CEP128: variants seen among roughly 807,000 people sequenced by gnomAD.
CEP128 encodes the protein centrosomal protein 128kDa.
In CEP128, 132 loss-of-function variants were observed where a neutral mutation model predicts 156.7. The observed-to-expected ratio is 0.84, with a 90% CI of 0.73 to 0.97. CEP128 has a LOEUF of 0.97. Ranked by LOEUF, CEP128 falls within the 50% of genes least tolerant of loss-of-function variation. The pLI is 0.00. For synonymous variants in CEP128, 469 were observed against 448.9 expected, an observed-to-expected ratio of 1.04 and a Z score of -0.57; for missense variants, 1,252 against 1,281.9, an observed-to-expected ratio of 0.98 and a Z score of 0.36.
chr14:80,904,601 C>T (rs543218199), intron 6 of CEP128, among the ~76,000 whole-genome samples: 5 of 151,830 alleles, frequency 3.3e-5, no homozygotes, highest in Non-Finnish European at 7.4e-5. Flanking sequence ...ATATTATACC[C>T]CATAAATGTA....
chr14:80,871,586 T>C (rs1595526638), intron 8 of CEP128, among the ~76,000 whole-genome samples: 1 of 152,114 alleles, frequency 6.6e-6, no homozygotes, highest in East Asian at 1.9e-4. Flanking sequence ...GACATATATT[T>C]ATAGCTTTTG....
At chr14:80,644,634 G>A (rs943121078) in intron 19 of CEP128, among the ~76,000 whole-genome samples, 3 of 152,034 alleles carry the variant, frequency 2.0e-5, no homozygotes, top group Admixed American at 2.0e-4. Context: ...ATTAATATTA[G>A]GCTTTTCTGT....
At chr14:80,958,773 A>G (rs1886854336) in intron 1 of CEP128, among the ~76,000 whole-genome samples, 1 of 151,960 alleles carries the variant, frequency 6.6e-6, no homozygotes, top group Non-Finnish European at 1.5e-5. Flanking sequence ...CTCTTTTTGG[A>G]ATCTACTTAA....
rs182460995 is a variant in CEP128 at position 80,810,734 on chromosome 14, T to C, written c.1210-17624A>G. Among the ~76,000 whole-genome samples, 755 of 152,310 alleles carry C rather than the reference T, an allele frequency of 5.0e-3. 3 individuals are homozygous for C. The highest frequency in any genetic ancestry group is 8.7e-3 in the South Asian group (42 of 4,826). On this transcript the variant is annotated intron_variant, in intron 13 of 24. Coordinates refer to ENST00000555265, the MANE Select transcript of CEP128 (RefSeq NM_152446.5). ...TGGTATTAGTTCTCTATACACCTGG[T>C]AGAATTCCACAGTGAACCCATCTGA...
intron 19 of CEP128, chr14:80,742,688 C>A (rs1005137100): frequency 6.0e-6 from 1 of 167,260 alleles, no homozygotes; most frequent in East Asian, 1.8e-4. Flanking sequence ...TCTCCCCCTG[C>A]TTTATTCACT....
At position 80,816,562 on chromosome 14, in the gene CEP128, T is replaced by A. The variant is rs1411792927; in HGVS notation, c.1209+14581A>T. 5.3e-5 allele frequency among the ~76,000 whole-genome samples: 8 copies of A among 152,286 alleles called. No homozygotes were observed. The East Asian group carries it at 1.5e-3, about 29-fold the overall frequency. ...CCCTACTTCCTAAGTAGGGGTATCA[T>A]TCTGGCAGGAAGCAGACTATAGTCT... On this transcript the variant is annotated intron_variant, in intron 13 of 24. Coordinates refer to ENST00000555265, the MANE Select transcript of CEP128 (RefSeq NM_152446.5).
At chr14:80,843,625 AAAGCCAGTGAAAAAATATTTT>A (rs1253473515) in intron 9 of CEP128, among the ~76,000 whole-genome samples, 2 of 152,074 alleles carry the variant, frequency 1.3e-5, no homozygotes, top group African/African-American at 4.8e-5. Flanking sequence ...GTAGAAAATA[AAAGCCAGTGAAAAAATATTTT>A]AAGCTTAACA....
At chr14:80,654,890 T>C (rs1363063734) in intron 19 of CEP128, among the ~76,000 whole-genome samples, 1 of 152,148 alleles carries the variant, frequency 6.6e-6, no homozygotes, top group Non-Finnish European at 1.5e-5. Flanking sequence ...CAGACTTCAG[T>C]GTCACAGTGT....
At chr14:80,957,964 G>A (rs933495412) in intron 2 of CEP128, 5 of 152,192 alleles carry the variant, frequency 3.3e-5, no homozygotes, top group African/African-American at 1.2e-4. Context: ...AGTATGTCCT[G>A]AAGAATAAAG....
At position 80,588,655 on chromosome 14, in the gene CEP128, G is replaced by T. The variant is rs555800402; in HGVS notation, c.2807-8232C>A. On this transcript the variant is annotated intron_variant, in intron 19 of 24. Transcript: ENST00000555265. ...TTCAGACATATGGTGTTTAATTGTT[G>T]CCCCATCCCCTCCCCACTTTGAGGC... Among the ~76,000 whole-genome samples the T allele has an allele frequency of 2.3e-3, 349 of 152,062 alleles. 1 individual carries two copies. The highest frequency in any genetic ancestry group is 8.1e-3 in the African/African-American group (336 of 41,504).
intron 2 of CEP128, among the ~76,000 whole-genome samples, chr14:80,918,367 T>A (rs1438952520): frequency 6.6e-6 from 1 of 152,200 alleles, no homozygotes; most frequent in Non-Finnish European, 1.5e-5. Context: ...GCATTTTCCA[T>A]TAGTGAAAGC....
At chr14:80,527,265 C>CA (rs1331075691) in intron 22 of CEP128, 3 of 476,070 alleles carry the variant, frequency 6.3e-6, no homozygotes, top group South Asian at 3.1e-5. Flanking sequence ...CTCACCTCTA[C>CA]AAAAAAATAC....
At chr14:80,722,369 T>C (rs1226599144) in intron 19 of CEP128, among the ~76,000 whole-genome samples, 1 of 152,168 alleles carries the variant, frequency 6.6e-6, no homozygotes, top group African/African-American at 2.4e-5. Flanking sequence ...AGAGACTGGC[T>C]AAATATTGTG....
At position 80,837,859 on chromosome 14, in the gene CEP128, T is replaced by G. The variant is rs553536744; in HGVS notation, c.924+345A>C. ...GCATGTAGTTTACTTCTTCCTTTAC[T>G]TCCCAGTGCCTCCTGGAATAAAATT... On this transcript the variant is annotated intron_variant, in intron 11 of 24. Transcript: ENST00000555265. Among the ~76,000 whole-genome samples, 14 of 152,384 alleles carry G rather than the reference T, an allele frequency of 9.2e-5. No homozygotes were observed. In the South Asian group the frequency reaches 2.9e-3, roughly 32 times the overall value.
chr14:80,653,109 G>A (rs1894978965), intron 19 of CEP128, among the ~76,000 whole-genome samples: 1 of 152,102 alleles, frequency 6.6e-6, no homozygotes, highest in Non-Finnish European at 1.5e-5. Context: ...AACATCACAT[G>A]TTCTCACTCA....
At chr14:80,504,707 C>T (rs1472764603) in intron 24 of CEP128, among the ~76,000 whole-genome samples, 3 of 152,088 alleles carry the variant, frequency 2.0e-5, no homozygotes, top group East Asian at 1.9e-4. Context: ...TTCTGAGAAG[C>T]GTAAAGTCTA....
rs1484127444 is a variant in CEP128 at position 80,840,755 on chromosome 14, T to C, written c.776A>G (p.Gln259Arg). ...CTCATGCTCATCTGCTTTAGCTTCT[T>C]GTTTCTTTAGTGCCTGGAATGAAAG... The part of the protein sequence containing the change: ...SLQLQEALKK[Q>R]EAKADEHEGA... Residue 259 changes from glutamine (Q) to arginine (R), a missense_variant, in exon 10 of 25, where the codon CAA (glutamine) becomes CGA (arginine). By Grantham distance (43) the Gln-to-Arg change is conservative. Coordinates refer to ENST00000555265, the MANE Select transcript of CEP128 (RefSeq NM_152446.5). The C allele has an allele frequency of 1.2e-6, 2 of 1,609,238 alleles. No individual in the cohort carries two copies. Among genetic ancestry groups the C allele is most frequent in the African/African-American group, 2.7e-5 (2 of 74,840 alleles).
intron 19 of CEP128, among the ~76,000 whole-genome samples, chr14:80,593,723 T>C (rs918455549): frequency 6.6e-6 from 1 of 151,994 alleles, no homozygotes; most frequent in Non-Finnish European, 1.5e-5. Flanking sequence ...TCATTCACAA[T>C]TGCTACAAAG....
intron 23 of CEP128, among the ~76,000 whole-genome samples, chr14:80,512,364 T>C (rs930951718): frequency 2.6e-5 from 4 of 152,072 alleles, no homozygotes; most frequent in African/African-American, 9.6e-5. Context: ...TAGATTTTTG[T>C]TTAGAGATCT....
Sources: gnomAD v4.1 joint callset for allele counts (sites outside exome capture counted in the v4.1 genomes callset) on GRCh38, gnomAD v4.1.1 for gene constraint, MANE v1.5 for transcripts, NCBI Gene and HGNC (gene_info 2026-07-23, HGNC 2026-07-21) for gene names.